The following GHR variants were observed in gnomAD, a reference collection of about 807,000 sequenced individuals.
The protein encoded by GHR is GH receptor.
A neutral mutation model predicts 67.1 loss-of-function variants in GHR; 35 were observed. The observed-to-expected ratio is 0.52, with a 90% CI of 0.40 to 0.69. GHR has a LOEUF of 0.69. Ranked by LOEUF, GHR falls within the 30% of genes least tolerant of loss-of-function variation. The pLI is 0.00. For missense variants in GHR, 792 were observed against 764.6 expected (o/e 1.04, Z -0.42); for synonymous variants, 272 against 269.1 (o/e 1.01, Z -0.10).
rs371375742 is a variant in GHR, at chr5:42,579,441, G to A, written c.70+13497G>A. Among the ~76,000 whole-genome samples, 15 of 152,276 alleles carry A rather than the reference G, an allele frequency of 9.9e-5. No homozygotes were observed. The East Asian group carries it at 1.9e-3, about 20-fold the overall frequency. ...ACAATTTGACCAATTCCATGTTCCA[G>A]GGAGTACTCAGAGGCTGATTAGGAC... On this transcript the variant is annotated intron_variant, in intron 2 of 9. Transcript: ENST00000230882.
intron 1 of GHR, among the ~76,000 whole-genome samples, chr5:42,480,337 A>G (rs945107996): frequency 1.3e-5 from 2 of 152,080 alleles, no homozygotes; most frequent in Admixed American, 6.6e-5. Flanking sequence ...TAGGTGTGGT[A>G]TGGTGCTGAA....
intron 1 of GHR, among the ~76,000 whole-genome samples, chr5:42,495,317 T>C (rs1418346336): frequency 6.6e-6 from 1 of 152,058 alleles, no homozygotes; most frequent in African/African-American, 2.4e-5. Context: ...TAGACTCCTT[T>C]GAGAGTGACA....
intron 1 of GHR, chr5:42,550,074 G>T: frequency 1.0e-6 from 1 of 974,170 alleles, no homozygotes; most frequent in Non-Finnish European, 1.2e-6. Context: ...TTGTCTGCCT[G>T]ATGATCAATG....
At chr5:42,607,327 A>T (rs1752677076) in intron 2 of GHR, among the ~76,000 whole-genome samples, 1 of 152,174 alleles carries the variant, frequency 6.6e-6, no homozygotes, top group Non-Finnish European at 1.5e-5. Context: ...GAGGTGCTAT[A>T]TGTGTGGTCC....
At chr5:42,702,729 A>C (rs987206833) in intron 6 of GHR, among the ~76,000 whole-genome samples, 2 of 151,928 alleles carry the variant, frequency 1.3e-5, no homozygotes, top group African/African-American at 4.8e-5. Flanking sequence ...TTTTTTGAAA[A>C]TAGCCATCCT....
intron 3 of GHR, among the ~76,000 whole-genome samples, chr5:42,648,189 T>C (rs375355505): frequency 2.0e-5 from 3 of 152,216 alleles, no homozygotes; most frequent in African/African-American, 4.8e-5. Flanking sequence ...ATTTACACCC[T>C]AACCATCACA....
intron 1 of GHR, among the ~76,000 whole-genome samples, chr5:42,477,137 G>GT (rs974866290): frequency 6.1e-5 from 9 of 148,748 alleles, no homozygotes; most frequent in African/African-American, 1.7e-4. Context: ...GCGGTGTTTG[G>GT]TTTTTTTTCC....
chr5:42,450,485 C>T (rs1743999516), intron 1 of GHR, among the ~76,000 whole-genome samples: 1 of 152,066 alleles, frequency 6.6e-6, no homozygotes, highest in Admixed American at 6.6e-5. Context: ...CGTTTCATTT[C>T]TTATTGAGCG....
chr5:42,660,155 T>C (rs1755504975), intron 3 of GHR, among the ~76,000 whole-genome samples: 1 of 152,162 alleles, frequency 6.6e-6, no homozygotes, highest in African/African-American at 2.4e-5. Flanking sequence ...CCTGCCTGCC[T>C]CTGTAGACTC....
chr5:42,665,912 C>G (rs1180586200), intron 3 of GHR, among the ~76,000 whole-genome samples: 1 of 152,096 alleles, frequency 6.6e-6, no homozygotes, highest in African/African-American at 2.4e-5. Context: ...ATAAAACCAT[C>G]AGATCTCATG....
At chr5:42,609,809 CT>C (rs1752801769) in intron 2 of GHR, among the ~76,000 whole-genome samples, 1 of 152,140 alleles carries the variant, frequency 6.6e-6, no homozygotes, top group African/African-American at 2.4e-5. Flanking sequence ...TCTCAAAATC[CT>C]TTTCTGTAAT....
At chr5:42,595,492 A>G (rs1752019240) in intron 2 of GHR, among the ~76,000 whole-genome samples, 2 of 152,194 alleles carry the variant, frequency 1.3e-5, no homozygotes, top group Non-Finnish European at 2.9e-5. Context: ...TTATTTCTAT[A>G]AGATTTTCCC....
At chr5:42,518,574 G>A (rs200683890) in intron 1 of GHR, among the ~76,000 whole-genome samples, 23 of 152,228 alleles carry the variant, frequency 1.5e-4, no homozygotes, top group African/African-American at 5.1e-4. Context: ...AGGCAGTTTT[G>A]GAATGACCAA....
intron 1 of GHR, among the ~76,000 whole-genome samples, chr5:42,534,118 G>A (rs1748106237): frequency 6.8e-6 from 1 of 146,676 alleles, no homozygotes; most frequent in African/African-American, 2.5e-5. Flanking sequence ...ATGTATATAT[G>A]TATGTATATA....
chr5:42,521,997 G>T (rs527692307), intron 1 of GHR, among the ~76,000 whole-genome samples: 1 of 152,246 alleles, frequency 6.6e-6, no homozygotes, highest in Admixed American at 6.5e-5. Flanking sequence ...AACTTTTTGG[G>T]TGTAATTAAT....
rs555439023 is a variant in GHR at position 42,603,568 on chromosome 5, A to G, written c.71-25470A>G. On this transcript the variant is annotated intron_variant, in intron 2 of 9. Coordinates refer to ENST00000230882, the MANE Select transcript of GHR (RefSeq NM_000163.5). ...TTCTTTTTGCTTCTCTGACTGGATA[A>G]TCATCAATAATCTGTTTTTGAGTTA... Among the ~76,000 whole-genome samples, 49 of 152,180 alleles carry G rather than the reference A, an allele frequency of 3.2e-4. No individual in the cohort carries two copies. The South Asian group carries it at 0.01, about 32-fold the overall frequency.
At chr5:42,556,738 G>A (rs1304539025) in intron 1 of GHR, among the ~76,000 whole-genome samples, 3 of 151,812 alleles carry the variant, frequency 2.0e-5, no homozygotes, top group African/African-American at 7.2e-5. Flanking sequence ...TTAGTGAGTT[G>A]ACAAACATCC....
intron 1 of GHR, among the ~76,000 whole-genome samples, chr5:42,433,999 C>T (rs1239690144): frequency 2.0e-5 from 3 of 152,048 alleles, no homozygotes; most frequent in East Asian, 3.9e-4. Flanking sequence ...ATAGTGGTGG[C>T]TGCTGTGTGG....
At chr5:42,564,557 GTGCTTT>G (rs2112472182) in intron 1 of GHR, among the ~76,000 whole-genome samples, 1 of 152,274 alleles carries the variant, frequency 6.6e-6, no homozygotes, top group Non-Finnish European at 1.5e-5. Flanking sequence ...ACATAGAGAT[GTGCTTT>G]TTTAAAGAAA....
Sources: allele counts gnomAD v4.1 joint callset (sites outside exome capture counted in the v4.1 genomes callset), GRCh38; gene constraint gnomAD v4.1.1; transcripts MANE v1.5; gene names NCBI Gene and HGNC (gene_info 2026-07-23, HGNC 2026-07-21).